Variants in LRRC74A observed in about 807,000 individuals in gnomAD.
LRRC74A encodes the protein leucine rich repeat containing 74A.
A neutral mutation model predicts 57.9 loss-of-function variants in LRRC74A; 44 were observed. That is an observed-to-expected ratio of 0.76 (90% CI 0.60 to 0.98). The LOEUF (loss-of-function observed/expected upper bound fraction) is 0.98, where lower values mean the gene tolerates loss of function less well. Among genes scored for constraint, LRRC74A ranks in the 50% least tolerant of loss-of-function variants. LRRC74A has a pLI of 0.00. For synonymous variants in LRRC74A, 211 were observed against 219.4 expected, an observed-to-expected ratio of 0.96 and a Z score of 0.34; for missense variants, 572 against 574.0, an observed-to-expected ratio of 1.00 and a Z score of 0.04.
rs1356327965 is a variant in LRRC74A, at chr14:76,852,663, G to A, written c.762+213G>A. Among the ~76,000 whole-genome samples, 4 of 146,650 alleles carry A rather than the reference G, an allele frequency of 2.7e-5. No individual in the cohort carries two copies. The East Asian group carries it at 8.1e-4, about 30-fold the overall frequency. On this transcript the variant is annotated intron_variant, in intron 8 of 13. Coordinates refer to ENST00000689127, the MANE Select transcript of LRRC74A (RefSeq NM_001385106.1). ...AGATGGAGTCTTGCTCTGTGGCCCG[G>A]GCTAGAGTGCAGTGGTGCAATCTCG...
intron 13 of LRRC74A, 42 bp downstream of exon 13, chr14:76,867,480 GC>G: frequency 9.2e-7 from 1 of 1,088,968 alleles, no homozygotes; most frequent in Non-Finnish European, 1.4e-6. Flanking sequence ...TCTGCAAGGG[GC>G]CCTGGCTGGG....
At position 76,866,064 on chromosome 14, in the gene LRRC74A, G is replaced by C. The variant is rs748343191; in HGVS notation, c.1297G>C (p.Val433Leu). ...GATGTCTGTGGATGAGTTCCAGAAA[G>C]TGATGATAGAGGTGTGCTGGGTCCT... ...MKMSVDEFQK[V>L]MIEQNKVPLN... Residue 433 changes from valine (V) to leucine (L), a missense_variant, in exon 12 of 14, where the codon GTG becomes CTG. Physicochemically the swap from Val to Leu is conservative, Grantham distance 32. Transcript: ENST00000689127. 1.3e-6 allele frequency: 2 copies of C among 1,565,744 alleles called. No homozygotes were observed. The highest frequency in any genetic ancestry group is 8.8e-7 in the Non-Finnish European group (1 of 1,141,758).
chr14:76,844,908 C>T lies in LRRC74A; in HGVS notation c.676+7C>T, dbSNP rs756121948. On this transcript the variant is annotated splice_region_variant and intron_variant, in intron 7 of 13. Transcript: ENST00000689127. ...CACCTGGGCCAGATGCTGGGTGAGT[C>T]TCCCTGGAGGAAGGGACAGCAAAGG... 2 of 1,497,280 alleles carry T rather than the reference C, an allele frequency of 1.3e-6. No homozygotes were observed. Among genetic ancestry groups the T allele is most frequent in the African/African-American group, 2.8e-5 (2 of 72,402 alleles). The allele number at this position is 1,497,280 out of a possible 1,614,324, so 92.7% of individuals were successfully genotyped here.
At chr14:76,867,502 C>A (rs1230386340) in intron 13 of LRRC74A, 64 bp downstream of exon 13, 2 of 826,580 alleles carry the variant, frequency 2.4e-6, no homozygotes, top group East Asian at 2.5e-5. Context: ...CTGATGTGAG[C>A]TCCTCCAGCT....
intron 7 of LRRC74A, among the ~76,000 whole-genome samples, chr14:76,848,185 C>T (rs932090784): frequency 3.3e-5 from 5 of 151,488 alleles, no homozygotes; most frequent in Admixed American, 1.3e-4. Flanking sequence ...TGTTTAATGA[C>T]GAGTTAATGG....
chr14:76,845,670 C>T, intron 7 of LRRC74A, among the ~76,000 whole-genome samples: 1 of 152,204 alleles, frequency 6.6e-6, no homozygotes, highest in East Asian at 1.9e-4. Flanking sequence ...TATTTGACAA[C>T]AATACATTTG....
intron 7 of LRRC74A, among the ~76,000 whole-genome samples, chr14:76,849,974 C>T (rs1043605280): frequency 4.6e-5 from 7 of 151,992 alleles, no homozygotes; most frequent in African/African-American, 7.2e-5. Context: ...TTTGGGAGGC[C>T]GAGGCGGGCG....
chr14:76,863,874 T>C (rs1052180020), intron 11 of LRRC74A, among the ~76,000 whole-genome samples: 6 of 152,232 alleles, frequency 3.9e-5, no homozygotes, highest in African/African-American at 9.6e-5. Context: ...AGCTGCATGA[T>C]TGCGGAATGC....
chr14:76,868,684 G>C (rs1361386256), intron 13 of LRRC74A, among the ~76,000 whole-genome samples: 1 of 152,170 alleles, frequency 6.6e-6, no homozygotes, highest in African/African-American at 2.4e-5. Context: ...GTGTTCTTAA[G>C]AGCTTCTGTG....
chr14:76,855,275 C>T (rs2140299514), intron 9 of LRRC74A, among the ~76,000 whole-genome samples: 1 of 152,216 alleles, frequency 6.6e-6, no homozygotes, highest in East Asian at 1.9e-4. Context: ...ACAACTCAGA[C>T]AGAGACTGAC....
chr14:76,846,984 A>T (rs1897152297), intron 7 of LRRC74A, among the ~76,000 whole-genome samples: 1 of 152,202 alleles, frequency 6.6e-6, no homozygotes, highest in African/African-American at 2.4e-5. Flanking sequence ...CAGGGAGTGT[A>T]GACAGAGTTG....
intron 4 of LRRC74A, among the ~76,000 whole-genome samples, chr14:76,837,457 A>T (rs1372175406): frequency 6.6e-6 from 1 of 152,248 alleles, no homozygotes; most frequent in Non-Finnish European, 1.5e-5. Flanking sequence ...CATACTTCCC[A>T]AATCAATGAG....
intron 9 of LRRC74A, among the ~76,000 whole-genome samples, chr14:76,856,422 A>G (rs994964312): frequency 6.6e-6 from 1 of 152,218 alleles, no homozygotes; most frequent in Non-Finnish European, 1.5e-5. Context: ...ACCCGAGGGC[A>G]GAAACCTTGC....
chr14:76,852,954 C>T (rs935856865), intron 8 of LRRC74A, among the ~76,000 whole-genome samples: 1 of 152,066 alleles, frequency 6.6e-6, no homozygotes, highest in Non-Finnish European at 1.5e-5. Context: ...TCTGCTGAGG[C>T]CAGGGTGACA....
intron 7 of LRRC74A, among the ~76,000 whole-genome samples, chr14:76,846,581 T>C (rs12884435): frequency 0.061 from 9,225 of 152,214 alleles, 316 homozygotes; most frequent in Non-Finnish European, 0.073. Flanking sequence ...GGAAAATAGC[T>C]TGAGCTCAGG....
chr14:76,857,488 A>T lies in LRRC74A; in HGVS notation c.1053+13A>T. 1 of 1,551,022 alleles carries T rather than the reference A, an allele frequency of 6.4e-7. No homozygotes were observed. Among genetic ancestry groups the T allele is most frequent in the Non-Finnish European group, 8.7e-7 (1 of 1,143,034 alleles). ...GCTTGATATTTCCGTAAGTGATCAA[A>T]TGGTAGTTGCTTGCGTCTGGGCACA... On this transcript the variant is annotated intron_variant, in intron 10 of 13. Transcript: ENST00000689127.
intron 11 of LRRC74A, among the ~76,000 whole-genome samples, chr14:76,864,491 C>T (rs1032987992): frequency 9.3e-5 from 14 of 150,834 alleles, no homozygotes; most frequent in African/African-American, 3.4e-4. Context: ...CAAAAGAATA[C>T]TGTAATATCG....
intron 5 of LRRC74A, among the ~76,000 whole-genome samples, chr14:76,842,980 CAT>C (rs1263465380): frequency 2.6e-5 from 4 of 152,086 alleles, no homozygotes; most frequent in Admixed American, 2.6e-4. Flanking sequence ...AAGGTCTAGT[CAT>C]GTGTGTGCAG....
At chr14:76,861,595 A>G (rs920508824) in intron 11 of LRRC74A, among the ~76,000 whole-genome samples, 4 of 152,188 alleles carry the variant, frequency 2.6e-5, no homozygotes, top group Admixed American at 2.6e-4. Context: ...CCCCCAACTC[A>G]TCTTTTCTTA....
Sources: gnomAD v4.1 joint callset for allele counts (sites outside exome capture counted in the v4.1 genomes callset) on GRCh38, gnomAD v4.1.1 for gene constraint, MANE v1.5 for transcripts, NCBI Gene and HGNC (gene_info 2026-07-23, HGNC 2026-07-21) for gene names.